RHBDL3: variants seen among roughly 807,000 people sequenced by gnomAD.
The protein encoded by RHBDL3 is rhomboid like 3, also known as rhomboid-related protein 3.
A neutral mutation model predicts 48.2 loss-of-function variants in RHBDL3; 28 were observed. The observed-to-expected ratio is 0.58, with a 90% CI of 0.43 to 0.80. The LOEUF is 0.80. Among genes scored for constraint, RHBDL3 ranks in the 30% least tolerant of loss-of-function variants. RHBDL3 has a pLI of 0.00. For missense variants in RHBDL3, 464 were observed against 542.7 expected (o/e 0.85, Z 1.44); for synonymous variants, 208 against 232.3 (o/e 0.90, Z 0.95).
At chr17:32,309,179 AGTGTGTGTGTGTGTGT>A (rs61558385) in intron 7 of RHBDL3, among the ~76,000 whole-genome samples, 7 of 149,620 alleles carry the variant, frequency 4.7e-5, no homozygotes, top group Non-Finnish European at 8.9e-5. Context: ...GAAGGTTTGG[AGTGTGTGTGTGTGTGT>A]GTGTGTGTGT....
intron 7 of RHBDL3, 131 bp from the exon 8 acceptor site, chr17:32,316,101 C>A: frequency 1.4e-6 from 1 of 702,204 alleles, no homozygotes; most frequent in South Asian, 1.7e-5. Flanking sequence ...GTGTGTTCTG[C>A]TACTAAGCCA....
rs746282122 is a variant in RHBDL3 at position 32,267,903 on chromosome 17, A to G, written c.113A>G (p.His38Arg). Reference sequence around the variant, plus strand: ...CTGCATGGCCTCCCTCTCTGCCAGCACTGGAAAGTCCTGTTTGATCAGGTA... The same window carrying G: ...CTGCATGGCCTCCCTCTCTGCCAGCGCTGGAAAGTCCTGTTTGATCAGGTA... ...EERLPAAPED[H>R]WKVLFDQFDP... is the part of the protein sequence containing the mutation. The change falls in exon 2 of 9, where the codon CAC (histidine) becomes CGC (arginine). Residue 38 changes from histidine (H) to arginine (R), a missense_variant and splice_region_variant. Transcript: ENST00000269051. 4 of 1,613,522 alleles carry G rather than the reference A, an allele frequency of 2.5e-6. No homozygotes were observed. The Admixed American group carries it at 6.7e-5, about 27-fold the overall frequency.
chr17:32,314,391 A>AT (rs1295559066), intron 7 of RHBDL3, among the ~76,000 whole-genome samples: 1 of 149,942 alleles, frequency 6.7e-6, no homozygotes, highest in East Asian at 2.0e-4. Context: ...TTTTATTTTT[A>AT]TTTTTTTTGA....
At chr17:32,313,220 G>A (rs1445185652) in intron 7 of RHBDL3, among the ~76,000 whole-genome samples, 1 of 152,152 alleles carries the variant, frequency 6.6e-6, no homozygotes, top group Non-Finnish European at 1.5e-5. Context: ...GCCAGGTGTG[G>A]TGGCACATGC....
chr17:32,317,300 C>G, intron 8 of RHBDL3, among the ~76,000 whole-genome samples: 1 of 152,180 alleles, frequency 6.6e-6, no homozygotes, highest in East Asian at 1.9e-4. Context: ...CTTTGAGATC[C>G]CTTGTTGAAA....
At chr17:32,271,564 G>A (rs2039776143) in intron 2 of RHBDL3, among the ~76,000 whole-genome samples, 1 of 152,184 alleles carries the variant, frequency 6.6e-6, no homozygotes, top group Non-Finnish European at 1.5e-5. Flanking sequence ...ACAGATATGG[G>A]ACCAGAGCCC....
rs2039669052 is a variant in RHBDL3, at chr17:32,267,658, G to T, written c.112-244G>T. 7 of 375,458 alleles carry T rather than the reference G, an allele frequency of 1.9e-5. No individual in the cohort carries two copies. The South Asian group carries it at 2.9e-4, about 16-fold the overall frequency. 23.3% of individuals were successfully genotyped at this position (375,458 alleles called of 1,614,324 possible). ...CAGAACCAGCAACACCCACCTTGCCGCCCCCGCCCCCACCCCATCCCTTAC... is the reference window on the plus strand; with the variant it reads ...CAGAACCAGCAACACCCACCTTGCCTCCCCCGCCCCCACCCCATCCCTTAC... On this transcript the variant is annotated intron_variant, in intron 1 of 8. Transcript: ENST00000269051.
At chr17:32,284,549 A>C in intron 2 of RHBDL3, 110 bp from the exon 3 acceptor site, 2 of 1,046,624 alleles carry the variant, frequency 1.9e-6, no homozygotes, top group Non-Finnish European at 2.8e-6. Context: ...AGCCTCTGCC[A>C]GGGGCTGGGG....
chr17:32,297,427 A>C (rs996068528), intron 5 of RHBDL3, among the ~76,000 whole-genome samples: 12 of 152,174 alleles, frequency 7.9e-5, no homozygotes, highest in Non-Finnish European at 1.3e-4. Flanking sequence ...ATGCCACTGC[A>C]TTCCAGCCTA....
chr17:32,318,184 CCACA>C (rs752590777), intron 8 of RHBDL3, among the ~76,000 whole-genome samples: 1 of 150,752 alleles, frequency 6.6e-6, no homozygotes, highest in Non-Finnish European at 1.5e-5. Context: ...GACCCTGTCT[CCACA>C]CACACACACA....
chr17:32,294,645 G>A (rs542995850), intron 5 of RHBDL3, among the ~76,000 whole-genome samples: 3 of 152,242 alleles, frequency 2.0e-5, no homozygotes, highest in Admixed American at 6.5e-5. Context: ...TATATAAGAA[G>A]GAAAATGCTA....
At chr17:32,267,956 C>G (rs2150684427) in intron 2 of RHBDL3, 31 bp downstream of exon 2, 1 of 1,541,496 alleles carries the variant, frequency 6.5e-7, no homozygotes. Flanking sequence ...CCATTTCCTT[C>G]CAGCCCTCCC....
intron 6 of RHBDL3, among the ~76,000 whole-genome samples, chr17:32,302,551 A>ATATATT (rs1401451294): frequency 4.8e-5 from 2 of 41,560 alleles, no homozygotes; most frequent in East Asian, 2.2e-4. Context: ...ATATATATAT[A>ATATATT]TTTTTTTTTA....
intron 8 of RHBDL3, among the ~76,000 whole-genome samples, chr17:32,320,575 C>T (rs1486211653): frequency 1.3e-5 from 2 of 152,154 alleles, no homozygotes; most frequent in Non-Finnish European, 1.5e-5. Context: ...CCACCCGCCT[C>T]GGCCTCCCAA....
chr17:32,298,392 C>T (rs2040505413), intron 6 of RHBDL3, among the ~76,000 whole-genome samples, 188 bp downstream of exon 6: 1 of 152,344 alleles, frequency 6.6e-6, no homozygotes, highest in South Asian at 2.1e-4. Flanking sequence ...GGACTGCTGC[C>T]CATAGAGGGA....
At chr17:32,293,899 G>A (rs1332380034) in intron 4 of RHBDL3, among the ~76,000 whole-genome samples, 3 of 152,038 alleles carry the variant, frequency 2.0e-5, no homozygotes, top group African/African-American at 4.8e-5. Flanking sequence ...AGGCCAAGGC[G>A]GGTGGATCAC....
chr17:32,277,260 G>C (rs1368414401), intron 2 of RHBDL3, among the ~76,000 whole-genome samples: 2 of 152,258 alleles, frequency 1.3e-5, no homozygotes, highest in Admixed American at 1.3e-4. Context: ...CTGGGAGAGA[G>C]AATTCAAGCC....
At chr17:32,310,458 T>G (rs1194387308) in intron 7 of RHBDL3, among the ~76,000 whole-genome samples, 1 of 152,116 alleles carries the variant, frequency 6.6e-6, no homozygotes, top group Non-Finnish European at 1.5e-5. Context: ...CTCATGCCTG[T>G]AATCTCAGCA....
At chr17:32,300,189 C>T (rs2040550246) in intron 6 of RHBDL3, among the ~76,000 whole-genome samples, 1 of 152,194 alleles carries the variant, frequency 6.6e-6, no homozygotes, top group Non-Finnish European at 1.5e-5. Flanking sequence ...TGATCTCAAC[C>T]ACTATAATAG....
Sources: gnomAD v4.1 joint callset for allele counts (sites outside exome capture counted in the v4.1 genomes callset) on GRCh38, gnomAD v4.1.1 for gene constraint, MANE v1.5 for transcripts, NCBI Gene and HGNC (gene_info 2026-07-23, HGNC 2026-07-21) for gene names.